Variants in BCAS3 observed in about 807,000 individuals in gnomAD.
BCAS3 encodes the protein BCAS4/BCAS3 fusion.
BCAS3 carries 53 observed loss-of-function variants against 116.1 expected under a neutral mutation model. That is an observed-to-expected ratio of 0.46 (90% CI 0.37 to 0.57). The LOEUF (loss-of-function observed/expected upper bound fraction) is 0.57. Among genes scored for constraint, BCAS3 ranks in the 20% least tolerant of loss-of-function variants. The pLI is 0.00. For missense variants in BCAS3, 917 were observed against 1,165.4 expected, an observed-to-expected ratio of 0.79 and a Z score of 3.10; for synonymous variants, 391 against 408.2, an observed-to-expected ratio of 0.96 and a Z score of 0.51.
At chr17:61,358,233 C>CAAT (rs2058264377) in intron 22 of BCAS3, among the ~76,000 whole-genome samples, 1 of 152,056 alleles carries the variant, frequency 6.6e-6, no homozygotes, top group Admixed American at 6.6e-5. Context: ...TTGCATTGTT[C>CAAT]AATAATAATA....
Position 60,994,661 on chromosome 17 carries a change from T to A in BCAS3, c.1486+4426T>A, listed in dbSNP as rs1283399598. ...TCTTGTCTAACCATACCTAGATTTCTGTACCCTTCCCTGAATATGCCACAT... is the reference window on the plus strand; with the variant it reads ...TCTTGTCTAACCATACCTAGATTTCAGTACCCTTCCCTGAATATGCCACAT... On this transcript the variant is annotated intron_variant, in intron 15 of 23. Coordinates refer to ENST00000407086, the MANE Select transcript of BCAS3 (RefSeq NM_017679.5). The surrounding 1 kb of genome is among the most constrained non-coding windows in gnomAD (Gnocchi z 4.4). 2.0e-5 allele frequency among the ~76,000 whole-genome samples: 3 copies of A among 152,232 alleles called. No individual in the cohort carries two copies. The East Asian group carries it at 5.8e-4, about 29-fold the overall frequency.
intron 9 of BCAS3, among the ~76,000 whole-genome samples, chr17:60,886,798 C>A (rs1225360926): frequency 6.7e-6 from 1 of 149,020 alleles, no homozygotes; most frequent in Admixed American, 6.7e-5. Flanking sequence ...GGCAGTCTGC[C>A]GGTTCTCAGA....
chr17:60,806,937 A>G (rs975855744), intron 6 of BCAS3, among the ~76,000 whole-genome samples: 5 of 152,078 alleles, frequency 3.3e-5, no homozygotes, highest in African/African-American at 7.2e-5. Flanking sequence ...TTCACTTACT[A>G]TTATTATGTG....
At chr17:60,904,825 A>G (rs1044367361) in intron 11 of BCAS3, among the ~76,000 whole-genome samples, 1 of 152,156 alleles carries the variant, frequency 6.6e-6, no homozygotes, top group African/African-American at 2.4e-5. Context: ...TTTTGGGAGA[A>G]TATAAGGGTT....
At chr17:61,247,157 T>C (rs1165690305) in intron 22 of BCAS3, among the ~76,000 whole-genome samples, 3 of 152,190 alleles carry the variant, frequency 2.0e-5, no homozygotes, top group Non-Finnish European at 4.4e-5. Flanking sequence ...CAATTCCTAC[T>C]CAATGTAAAG....
intron 6 of BCAS3, among the ~76,000 whole-genome samples, chr17:60,769,413 A>G (rs547691409): frequency 6.6e-6 from 1 of 152,250 alleles, no homozygotes; most frequent in Non-Finnish European, 1.5e-5. Flanking sequence ...GCAGTAGCGG[A>G]GGTGGGCTTT....
At chr17:60,791,022 A>T (rs2046725216) in intron 6 of BCAS3, among the ~76,000 whole-genome samples, 1 of 152,028 alleles carries the variant, frequency 6.6e-6, no homozygotes, top group African/African-American at 2.4e-5. Flanking sequence ...GATTACAGGC[A>T]TGAGCCACTG....
chr17:61,169,168 CTA>C (rs1453568665), intron 22 of BCAS3, among the ~76,000 whole-genome samples: 5 of 152,266 alleles, frequency 3.3e-5, no homozygotes, highest in African/African-American at 9.6e-5. Flanking sequence ...GTTCTAATAC[CTA>C]TGTCATTCTT....
At chr17:60,764,347 T>C (rs969184985) in intron 6 of BCAS3, among the ~76,000 whole-genome samples, 2 of 152,150 alleles carry the variant, frequency 1.3e-5, no homozygotes, top group African/African-American at 4.8e-5. Context: ...CTATAAATTT[T>C]CCTCTACACA....
At chr17:60,809,315 C>A (rs527243104) in intron 7 of BCAS3, among the ~76,000 whole-genome samples, 1 of 151,480 alleles carries the variant, frequency 6.6e-6, no homozygotes, top group African/African-American at 2.4e-5. Context: ...AGATTTAATG[C>A]CATCTGCAAA....
intron 9 of BCAS3, among the ~76,000 whole-genome samples, chr17:60,880,174 G>A (rs1374361186): frequency 6.6e-6 from 1 of 152,178 alleles, no homozygotes; most frequent in African/African-American, 2.4e-5. Flanking sequence ...AAAACCTTAT[G>A]AGAGTCCTTA....
At chr17:61,038,488 C>T (rs192160259) in intron 18 of BCAS3, among the ~76,000 whole-genome samples, 17 of 151,746 alleles carry the variant, frequency 1.1e-4, no homozygotes, top group Admixed American at 6.6e-4. Context: ...CTCCTGACCT[C>T]GTGATCTGCC....
chr17:61,099,839 T>C (rs909774467), intron 22 of BCAS3, among the ~76,000 whole-genome samples: 1 of 152,210 alleles, frequency 6.6e-6, no homozygotes, highest in African/African-American at 2.4e-5. Flanking sequence ...TGGGCTGCCT[T>C]TGAAGCTAGC....
intron 5 of BCAS3, among the ~76,000 whole-genome samples, chr17:60,731,439 C>T (rs545485310): frequency 2.0e-4 from 31 of 152,008 alleles, no homozygotes; most frequent in African/African-American, 6.8e-4. Flanking sequence ...TCTCAAACTC[C>T]TGACCTCAGG....
chr17:61,126,888 C>T lies in BCAS3; in HGVS notation c.2425+42324C>T, dbSNP rs973541688. Among the ~76,000 whole-genome samples the T allele has an allele frequency of 1.3e-5, 2 of 152,082 alleles. No individual in the cohort carries two copies. Among genetic ancestry groups the T allele is most frequent in the Non-Finnish European group, 2.9e-5 (2 of 67,998 alleles). On this transcript the variant is annotated intron_variant, in intron 22 of 23. Coordinates refer to ENST00000407086, the MANE Select transcript of BCAS3 (RefSeq NM_017679.5). The surrounding 1 kb of genome is among the most constrained non-coding windows in gnomAD (Gnocchi z 4.6). ...CTACTTTGAATACAGGAATGTCTTACATGGTAACAAGAATACAAAATGTGT... is the reference window on the plus strand; with the variant it reads ...CTACTTTGAATACAGGAATGTCTTATATGGTAACAAGAATACAAAATGTGT...
At chr17:60,986,392 T>C (rs183510958) in intron 14 of BCAS3, among the ~76,000 whole-genome samples, 1 of 152,270 alleles carries the variant, frequency 6.6e-6, no homozygotes, top group Admixed American at 6.5e-5. Flanking sequence ...GTAGCTCTAG[T>C]TGTAGTTTTT....
chr17:60,732,427 T>A (rs953766599), intron 5 of BCAS3, among the ~76,000 whole-genome samples: 15 of 152,178 alleles, frequency 9.9e-5, no homozygotes, highest in African/African-American at 3.6e-4. Flanking sequence ...GGCTTGATCT[T>A]GGATGAGATT....
intron 5 of BCAS3, chr17:60,720,428 C>A (rs1007232322): frequency 2.6e-5 from 4 of 152,176 alleles, no homozygotes; most frequent in African/African-American, 7.2e-5. Flanking sequence ...TGAGCCACTG[C>A]GCCCAGCGTC....
chr17:60,691,230 G>C (rs935100006), intron 4 of BCAS3, among the ~76,000 whole-genome samples: 1 of 152,148 alleles, frequency 6.6e-6, no homozygotes, highest in Non-Finnish European at 1.5e-5. Context: ...ACTGCGCCCA[G>C]CCTCCTATCT....
Sources: allele counts gnomAD v4.1 joint callset (sites outside exome capture counted in the v4.1 genomes callset), GRCh38; gene constraint gnomAD v4.1.1; non-coding constraint Gnocchi (gnomAD v3.1); transcripts MANE v1.5; gene names NCBI Gene and HGNC (gene_info 2026-07-23, HGNC 2026-07-21).